Variants in ZFHX3 observed in about 807,000 individuals in gnomAD.
ZFHX3 encodes the protein zinc finger homeobox 3, also known as zinc finger homeobox protein 3.
A neutral mutation model predicts 279.1 loss-of-function variants in ZFHX3; 42 were observed. That is an observed-to-expected ratio of 0.15 (90% confidence interval 0.12 to 0.19). The LOEUF (loss-of-function observed/expected upper bound fraction) is 0.19, where lower values mean the gene tolerates loss of function less well. Ranked by LOEUF, ZFHX3 falls within the 10% of genes least tolerant of loss-of-function variation. The probability of loss-of-function intolerance (pLI) is 1.00; values close to 1 mark genes in which losing one functional copy is unlikely to be tolerated. For missense variants in ZFHX3, 4,981 were observed against 4,754.0 expected (o/e 1.05, Z -1.40); for synonymous variants, 2,293 against 1,957.8 (o/e 1.17, Z -4.52).
At chr16:73,089,032 A>G (rs1171212240) in intron 8 of ZFHX3, among the ~76,000 whole-genome samples, 4 of 152,180 alleles carry the variant, frequency 2.6e-5, no homozygotes, top group Admixed American at 2.6e-4. Context: ...TGAGGATCTC[A>G]GTAGCCTCAG....
chr16:73,320,245 C>A (rs1030860864), intron 3 of ZFHX3, among the ~76,000 whole-genome samples: 1 of 152,110 alleles, frequency 6.6e-6, no homozygotes, highest in Non-Finnish European at 1.5e-5. Flanking sequence ...ACTAATGACC[C>A]CTTATTTAAA....
intron 1 of ZFHX3, among the ~76,000 whole-genome samples, chr16:73,845,671 T>A (rs1961432367): frequency 6.6e-6 from 1 of 152,202 alleles, no homozygotes; most frequent in Non-Finnish European, 1.5e-5. Flanking sequence ...CCGTCAGGAT[T>A]TTTCCAACAT....
intron 1 of ZFHX3, among the ~76,000 whole-genome samples, chr16:73,732,618 G>T (rs143764499): frequency 2.0e-5 from 3 of 152,210 alleles, no homozygotes; most frequent in Non-Finnish European, 2.9e-5. Context: ...TTCTGCTATG[G>T]TATTTGTCTA....
At chr16:73,493,576 G>A (rs2019088507) in intron 2 of ZFHX3, among the ~76,000 whole-genome samples, 2 of 152,224 alleles carry the variant, frequency 1.3e-5, no homozygotes, top group African/African-American at 4.8e-5. Flanking sequence ...GGCAGGGCCA[G>A]GCTGGCCCAC....
intron 7 of ZFHX3, among the ~76,000 whole-genome samples, chr16:73,112,715 CAA>C (rs56149570): frequency 9.9e-5 from 3 of 30,268 alleles, no homozygotes; most frequent in Non-Finnish European, 1.1e-4. Context: ...GACTCCATCT[CAA>C]AAAAAAAAAA....
chr16:73,830,623 C>A (rs1480141788), intron 1 of ZFHX3, among the ~76,000 whole-genome samples: 1 of 152,168 alleles, frequency 6.6e-6, no homozygotes, highest in Non-Finnish European at 1.5e-5. Flanking sequence ...GATGCCCTGG[C>A]TCAGTATTTA....
intron 1 of ZFHX3, among the ~76,000 whole-genome samples, chr16:73,780,907 C>T (rs1292115481): frequency 6.6e-6 from 1 of 152,138 alleles, no homozygotes; most frequent in Non-Finnish European, 1.5e-5. Context: ...TTTTTAGATA[C>T]CTATTTGCTA....
intron 5 of ZFHX3, among the ~76,000 whole-genome samples, chr16:73,251,075 C>A (rs2013472579): frequency 1.3e-5 from 2 of 152,122 alleles, no homozygotes; most frequent in Admixed American, 1.3e-4. Context: ...TGCAGTTGTC[C>A]AGTAGCAGAA....
chr16:73,158,913 T>C (rs772573712), intron 5 of ZFHX3, among the ~76,000 whole-genome samples: 3 of 152,110 alleles, frequency 2.0e-5, no homozygotes, highest in Non-Finnish European at 4.4e-5. Flanking sequence ...CCTTAAATCA[T>C]ATGCAAAAAT....
intron 5 of ZFHX3, among the ~76,000 whole-genome samples, chr16:73,254,930 ACCAT>A (rs993927735): frequency 4.0e-5 from 6 of 151,672 alleles, no homozygotes; most frequent in Non-Finnish European, 8.8e-5. Context: ...CCACCCACCC[ACCAT>A]CCATCCATCC....
At chr16:73,748,174 T>G (rs147364618) in intron 1 of ZFHX3, among the ~76,000 whole-genome samples, 1 of 152,238 alleles carries the variant, frequency 6.6e-6, no homozygotes, top group Non-Finnish European at 1.5e-5. Flanking sequence ...TGGAAAAAGA[T>G]GAAAACATCA....
intron 4 of ZFHX3, among the ~76,000 whole-genome samples, chr16:72,849,861 A>C (rs2037568956): frequency 1.8e-4 from 1 of 5,538 alleles, no homozygotes; most frequent in Admixed American, 1.6e-3. Flanking sequence ...TTCACCTACC[A>C]AAAAAAAAAA....
intron 5 of ZFHX3, among the ~76,000 whole-genome samples, chr16:73,238,843 G>C (rs1390331475): frequency 1.3e-5 from 2 of 152,046 alleles, no homozygotes; most frequent in Non-Finnish European, 2.9e-5. Flanking sequence ...CCTGCTTCCT[G>C]GAACGTTCAC....
chr16:73,565,554 A>G (rs777460583), intron 2 of ZFHX3, among the ~76,000 whole-genome samples: 2 of 152,212 alleles, frequency 1.3e-5, no homozygotes, highest in Non-Finnish European at 2.9e-5. Flanking sequence ...TAGTTTACAA[A>G]TGTTTTCACA....
At chr16:73,327,494 A>G (rs2015714825) in intron 3 of ZFHX3, among the ~76,000 whole-genome samples, 1 of 152,226 alleles carries the variant, frequency 6.6e-6, no homozygotes, top group Non-Finnish European at 1.5e-5. Context: ...GTTGGATGAA[A>G]GCACAGTCTT....
chr16:73,083,616 A>C (rs1207457539), intron 8 of ZFHX3, among the ~76,000 whole-genome samples: 1 of 151,558 alleles, frequency 6.6e-6, no homozygotes, highest in East Asian at 1.9e-4. Flanking sequence ...TGCAGCCTCG[A>C]CCTCTCGGGC....
intron 1 of ZFHX3, among the ~76,000 whole-genome samples, chr16:73,750,913 C>T (rs143846184): frequency 1.3e-5 from 2 of 152,132 alleles, no homozygotes; most frequent in Admixed American, 6.5e-5. Context: ...GACTAAATAA[C>T]AACCTAAGGG....
At chr16:73,404,476 T>C (rs72799455) in intron 3 of ZFHX3, among the ~76,000 whole-genome samples, 14,105 of 152,242 alleles carry the variant, frequency 0.093, 728 homozygotes, top group Middle Eastern at 0.16. Context: ...TGCAGTGTTA[T>C]TAGGAAATTA....
chr16:73,000,649 G>A (rs1597074819), intron 1 of ZFHX3, among the ~76,000 whole-genome samples: 1 of 152,164 alleles, frequency 6.6e-6, no homozygotes, highest in Non-Finnish European at 1.5e-5. Flanking sequence ...CTAACCCACA[G>A]AAACACACAC....
Sources: allele counts gnomAD v4.1 joint callset (sites outside exome capture counted in the v4.1 genomes callset), GRCh38; gene constraint gnomAD v4.1.1; transcripts MANE v1.5; gene names NCBI Gene and HGNC (gene_info 2026-07-23, HGNC 2026-07-21).